Variants in CNTNAP2 observed in about 807,000 individuals in gnomAD.
The protein encoded by CNTNAP2 is contactin associated protein 2, also known as contactin-associated protein-like 2.
CNTNAP2 carries 98 observed loss-of-function variants against 155.2 expected under a neutral mutation model. That is an observed-to-expected ratio of 0.63 (90% CI 0.54 to 0.75). The LOEUF (loss-of-function observed/expected upper bound fraction) is 0.75. Ranked by LOEUF, CNTNAP2 falls within the 30% of genes least tolerant of loss-of-function variation. CNTNAP2 has a pLI of 0.00. For missense variants in CNTNAP2, 1,727 were observed against 1,688.1 expected, an observed-to-expected ratio of 1.02 and a Z score of -0.40; for synonymous variants, 651 against 631.2, an observed-to-expected ratio of 1.03 and a Z score of -0.47.
chr7:147,951,983 A>T (rs1370638112), intron 14 of CNTNAP2, among the ~76,000 whole-genome samples: 1 of 151,844 alleles, frequency 6.6e-6, no homozygotes, highest in Non-Finnish European at 1.5e-5. Flanking sequence ...TTGTTATGAG[A>T]ACTCATAGTG....
intron 3 of CNTNAP2, among the ~76,000 whole-genome samples, chr7:147,032,721 GGA>G (rs979849512): frequency 6.6e-6 from 1 of 152,064 alleles, no homozygotes; most frequent in Non-Finnish European, 1.5e-5. Flanking sequence ...GAGAAAAAAA[GGA>G]GAGAGAAAAA....
chr7:147,715,317 C>T (rs899321323), intron 13 of CNTNAP2, among the ~76,000 whole-genome samples: 4 of 152,026 alleles, frequency 2.6e-5, no homozygotes, highest in Non-Finnish European at 4.4e-5. Context: ...TGAGTGATTC[C>T]GCTTATCCAC....
chr7:148,020,615 G>T (rs1802262307), intron 15 of CNTNAP2, among the ~76,000 whole-genome samples: 1 of 152,120 alleles, frequency 6.6e-6, no homozygotes, highest in South Asian at 2.1e-4. Flanking sequence ...AATAAAGAAG[G>T]AGTGAATTAT....
chr7:147,521,102 G>C (rs1345726708), intron 11 of CNTNAP2, among the ~76,000 whole-genome samples: 3 of 152,022 alleles, frequency 2.0e-5, no homozygotes, highest in African/African-American at 7.3e-5. Context: ...TGGTATTCAG[G>C]GTCCACCCAA....
intron 12 of CNTNAP2, among the ~76,000 whole-genome samples, chr7:147,569,734 A>G (rs1800247764): frequency 6.6e-6 from 1 of 152,224 alleles, no homozygotes; most frequent in African/African-American, 2.4e-5. Context: ...CCTGTTATTA[A>G]GTGACACATG....
At chr7:147,349,855 TTGG>T (rs756095696) in intron 9 of CNTNAP2, among the ~76,000 whole-genome samples, 21 of 151,646 alleles carry the variant, frequency 1.4e-4, no homozygotes, top group Non-Finnish European at 2.7e-4. Flanking sequence ...TGGGAAGGAG[TTGG>T]TGGGTCAAGA....
At chr7:146,653,591 C>A (rs1481825891) in intron 1 of CNTNAP2, among the ~76,000 whole-genome samples, 1 of 152,074 alleles carries the variant, frequency 6.6e-6, no homozygotes, top group African/African-American at 2.4e-5. Context: ...TAAAATTAGA[C>A]CTGATAGTCC....
At chr7:146,647,914 T>A (rs1451775301) in intron 1 of CNTNAP2, among the ~76,000 whole-genome samples, 1 of 152,182 alleles carries the variant, frequency 6.6e-6, no homozygotes, top group Non-Finnish European at 1.5e-5. Flanking sequence ...CATTAGCAGT[T>A]CCATGAATTT....
intron 1 of CNTNAP2, among the ~76,000 whole-genome samples, chr7:146,420,345 A>G (rs1193007974): frequency 6.6e-6 from 1 of 152,048 alleles, no homozygotes; most frequent in Non-Finnish European, 1.5e-5. Flanking sequence ...TCTGTTAATG[A>G]ACAAAGTCTC....
At chr7:147,316,112 T>C (rs1413332023) in intron 9 of CNTNAP2, among the ~76,000 whole-genome samples, 1 of 152,126 alleles carries the variant, frequency 6.6e-6, no homozygotes, top group Non-Finnish European at 1.5e-5. Context: ...TTCTCTTGGG[T>C]ATATACCTAG....
chr7:146,645,663 A>G (rs1392625315), intron 1 of CNTNAP2, among the ~76,000 whole-genome samples: 3 of 152,120 alleles, frequency 2.0e-5, no homozygotes, highest in South Asian at 2.1e-4. Context: ...TTCACATACC[A>G]TATAGGTGAC....
intron 8 of CNTNAP2, among the ~76,000 whole-genome samples, chr7:147,235,000 G>A (rs777806443): frequency 1.5e-4 from 23 of 152,098 alleles, no homozygotes; most frequent in Non-Finnish European, 1.5e-4. Flanking sequence ...CATTTAGCCA[G>A]ACATTATATT....
intron 21 of CNTNAP2, among the ~76,000 whole-genome samples, chr7:148,304,165 T>C (rs1336673121): frequency 6.6e-6 from 1 of 152,160 alleles, no homozygotes. Context: ...GGAAACTTGA[T>C]AGGTTCAAAA....
chr7:146,657,243 C>G (rs1335236501), intron 1 of CNTNAP2, among the ~76,000 whole-genome samples: 1 of 152,162 alleles, frequency 6.6e-6, no homozygotes, highest in Non-Finnish European at 1.5e-5. Context: ...GAGCTTTCAT[C>G]CTGTTTATCA....
intron 1 of CNTNAP2, among the ~76,000 whole-genome samples, chr7:146,134,059 T>A (rs1434825227): frequency 1.5e-3 from 223 of 149,160 alleles, no homozygotes; most frequent in Non-Finnish European, 2.1e-3. Flanking sequence ...TGGAATGTTC[T>A]TCCATTTGTT....
intron 3 of CNTNAP2, among the ~76,000 whole-genome samples, chr7:147,001,052 C>T (rs1462873247): frequency 1.3e-5 from 2 of 152,064 alleles, no homozygotes; most frequent in Non-Finnish European, 2.9e-5. Context: ...TCTACGATTG[C>T]TTACCTCTCT....
intron 1 of CNTNAP2, among the ~76,000 whole-genome samples, chr7:146,128,750 T>C (rs1195486595): frequency 6.6e-6 from 1 of 152,120 alleles, no homozygotes; most frequent in African/African-American, 2.4e-5. Context: ...TGCTTATAGC[T>C]AGGTTATAGC....
At chr7:147,374,999 G>A (rs979616946) in intron 9 of CNTNAP2, among the ~76,000 whole-genome samples, 2 of 151,902 alleles carry the variant, frequency 1.3e-5, no homozygotes, top group African/African-American at 4.8e-5. Context: ...CAGTTTCCCC[G>A]ATGCTGTTCT....
chr7:146,593,508 A>G (rs951131786), intron 1 of CNTNAP2, among the ~76,000 whole-genome samples: 2 of 152,100 alleles, frequency 1.3e-5, no homozygotes, highest in Non-Finnish European at 1.5e-5. Context: ...TAAACCTGTC[A>G]GTCCTCAGCG....
Sources: gnomAD v4.1 joint callset for allele counts (sites outside exome capture counted in the v4.1 genomes callset) on GRCh38, gnomAD v4.1.1 for gene constraint, MANE v1.5 for transcripts, NCBI Gene and HGNC (gene_info 2026-07-23, HGNC 2026-07-21) for gene names.